The following DNM1 variants were observed in gnomAD, a reference collection of about 807,000 sequenced individuals.
DNM1 encodes the protein dynamin-1.
Under a neutral mutation model 104.6 loss-of-function variants are expected in DNM1, and 29 were observed. The observed-to-expected ratio is 0.28, with a 90% CI of 0.21 to 0.38. DNM1 has a LOEUF of 0.38. Ranked by LOEUF, DNM1 falls within the 10% of genes least tolerant of loss-of-function variation. DNM1 has a pLI of 1.00. For missense variants in DNM1, 640 were observed against 1,189.4 expected (o/e 0.54, Z 6.79); for synonymous variants, 445 against 475.8 (o/e 0.94, Z 0.84).
At chr9:128,208,122 C>T (rs961441141) in intron 1 of DNM1, among the ~76,000 whole-genome samples, 13 of 151,708 alleles carry the variant, frequency 8.6e-5, no homozygotes, top group Non-Finnish European at 1.9e-4. Context: ...TGCAATGGCG[C>T]GATCTCAGCT....
intron 15 of DNM1, chr9:128,244,598 A>G (rs944513137): frequency 4.0e-5 from 10 of 248,074 alleles, no homozygotes; most frequent in Non-Finnish European, 7.0e-5. Context: ...AGTCCCACAC[A>G]GGGTGGCACC....
In DNM1 at chr9:128,253,158, C is replaced by T; in HGVS notation, c.2535-1496C>T. 6.2e-7 allele frequency: 1 copy of T among 1,601,054 alleles called. No homozygotes were observed. Among genetic ancestry groups the T allele is most frequent in the South Asian group, 1.1e-5 (1 of 90,986 alleles). ...CCATGGTAGGTACATGCCTCACCGC[C>T]TGCTGCATGAACGGTGTGTCTGCCC... is the stretch of plus-strand genomic sequence containing the variant. On this transcript the variant is annotated intron_variant, in intron 21 of 21. Coordinates refer to ENST00000372923, the MANE Select transcript of DNM1 (RefSeq NM_004408.4). This position sits in a 1 kb window ranked among gnomAD's most constrained non-coding sequence, Gnocchi z 5.9.
chr9:128,228,186 C>A (rs949728166), intron 10 of DNM1, among the ~76,000 whole-genome samples: 2 of 152,032 alleles, frequency 1.3e-5, no homozygotes, highest in African/African-American at 4.8e-5. Context: ...GGATTACAGG[C>A]TCCTCCCACC....
intron 4 of DNM1, among the ~76,000 whole-genome samples, chr9:128,219,646 GCAAGAGTGAGACCCTGTCT>G (rs1311141288): frequency 6.6e-6 from 1 of 151,480 alleles, no homozygotes; most frequent in Non-Finnish European, 1.5e-5. Context: ...TCCAGCATGG[GCAAGAGTGAGACCCTGTCT>G]CAAAAAAGAA....
At position 128,254,284 on chromosome 9, in the gene DNM1, C is replaced by T. The variant is rs1205732483; in HGVS notation, c.2535-370C>T. On this transcript the variant is annotated intron_variant, in intron 21 of 21. Transcript: ENST00000372923. This position sits in a 1 kb window ranked among gnomAD's most constrained non-coding sequence, Gnocchi z 6.1. ...TGGGGCTCCCCAAGGCAAGGGGTGG[C>T]CCCAGGCCAGTGGGTTGGAAGACAG... The T allele has an allele frequency of 7.2e-7, 1 of 1,391,770 alleles. No homozygotes were observed. The highest frequency in any genetic ancestry group is 9.2e-7 in the Non-Finnish European group (1 of 1,083,298). The allele number at this position is 1,391,770 out of a possible 1,614,324, so 86.2% of individuals were successfully genotyped here.
chr9:128,223,134 C>T (rs1294768997), intron 9 of DNM1: 2 of 463,896 alleles, frequency 4.3e-6, no homozygotes, highest in Admixed American at 3.7e-5. Flanking sequence ...GGCCCATCCC[C>T]AGGGTGAGAT....
intron 1 of DNM1, among the ~76,000 whole-genome samples, chr9:128,208,121 G>A (rs1015426968): frequency 2.0e-5 from 3 of 151,084 alleles, no homozygotes; most frequent in African/African-American, 4.9e-5. Flanking sequence ...ATGCAATGGC[G>A]CGATCTCAGC....
intron 1 of DNM1, among the ~76,000 whole-genome samples, chr9:128,216,580 A>C (rs1047453190): frequency 1.3e-5 from 2 of 152,202 alleles, no homozygotes; most frequent in Non-Finnish European, 2.9e-5. Flanking sequence ...GAATATACAC[A>C]GGGCTTACCA....
rs186501607 is a variant in DNM1, at chr9:128,220,714, A to G, written c.849+373A>G. Among the ~76,000 whole-genome samples the G allele has an allele frequency of 7.6e-3, 1,041 of 137,142 alleles. 14 individuals carry two copies. Among genetic ancestry groups the G allele is most frequent in the African/African-American group, 0.026 (987 of 37,456 alleles). 90.0% of individuals were successfully genotyped at this position (137,142 alleles called of 152,430 possible). ...GACTTTTCTCCATCTGGAATGGGGCATCCAGAACTGAAGTGCGCGCGCGCG... is the reference window on the plus strand; with the variant it reads ...GACTTTTCTCCATCTGGAATGGGGCGTCCAGAACTGAAGTGCGCGCGCGCG... On this transcript the variant is annotated intron_variant, in intron 6 of 21. Coordinates refer to ENST00000372923, the MANE Select transcript of DNM1 (RefSeq NM_004408.4). This position sits in a 1 kb window ranked among gnomAD's most constrained non-coding sequence, Gnocchi z 5.2.
intron 15 of DNM1, among the ~76,000 whole-genome samples, chr9:128,242,898 G>A (rs867428067): frequency 3.7e-4 from 56 of 150,810 alleles, no homozygotes; most frequent in African/African-American, 1.2e-3. Context: ...GGGGCTAAGC[G>A]CCCTGGGGAG....
At chr9:128,235,543 T>G (rs1835959355) in intron 11 of DNM1, among the ~76,000 whole-genome samples, 1 of 152,350 alleles carries the variant, frequency 6.6e-6, no homozygotes, top group South Asian at 2.1e-4. Flanking sequence ...AATATTCCAT[T>G]GTATGGATGG....
Position 128,224,479 on chromosome 9 carries a change from C to T in DNM1, c.1335+90C>T, listed in dbSNP as rs1036160943. On this transcript the variant is annotated intron_variant, in intron 10 of 21. Coordinates refer to ENST00000372923, the MANE Select transcript of DNM1 (RefSeq NM_004408.4). The surrounding 1 kb of genome is among the most constrained non-coding windows in gnomAD (Gnocchi z 4.3). ...CCTTCCCCATGTCCCCCCCTGCCTC[C>T]TCGGTAGCATGTACAGACCTCAGCG... is the stretch of plus-strand genomic sequence containing the variant. 2.5e-5 allele frequency: 34 copies of T among 1,350,570 alleles called. No homozygotes were observed. In the African/African-American group the frequency reaches 3.9e-4, roughly 15 times the overall value. 83.7% of individuals were successfully genotyped at this position (1,350,570 alleles called of 1,614,324 possible). A position where few individuals can be genotyped will look rare whatever the true frequency, so the allele number is the denominator to read the frequency against.
rs577063428 is a variant in DNM1 at position 128,228,317 on chromosome 9, A to G, written c.1335+3928A>G. ...CTCAGCCTCCCAAAGTGCTGGGATT[A>G]CAGGCATGAGCCACCCCTCCTGGCC... On this transcript the variant is annotated intron_variant, in intron 10 of 21. Transcript: ENST00000372923. 2.0e-5 allele frequency among the ~76,000 whole-genome samples: 3 copies of G among 152,250 alleles called. No homozygotes were observed. In the South Asian group the frequency reaches 6.2e-4, roughly 32 times the overall value.
At chr9:128,205,684 C>T (rs535785542) in intron 1 of DNM1, among the ~76,000 whole-genome samples, 2 of 152,192 alleles carry the variant, frequency 1.3e-5, no homozygotes, top group African/African-American at 2.4e-5. Flanking sequence ...TGGGCTCCAC[C>T]GAGTTCATGG....
Position 128,246,605 on chromosome 9 carries a change from G to A in DNM1, c.1781+102G>A, listed in dbSNP as rs1010613535. 58 of 789,404 alleles carry A rather than the reference G, an allele frequency of 7.3e-5. No individual in the cohort carries two copies. In the Admixed American group the frequency reaches 8.2e-4, roughly 11 times the overall value. 48.9% of individuals were successfully genotyped at this position (789,404 alleles called of 1,614,324 possible). A position where few individuals can be genotyped will look rare whatever the true frequency, so the allele number is the denominator to read the frequency against. Reference sequence around the variant, plus strand: ...CAGGGAGGAGAGGAACCTCCCCTAGGCCCCACAGCAAGCCATCCACTGACA... The same window carrying A: ...CAGGGAGGAGAGGAACCTCCCCTAGACCCCACAGCAAGCCATCCACTGACA... On this transcript the variant is annotated intron_variant, in intron 16 of 21. Coordinates refer to ENST00000372923, the MANE Select transcript of DNM1 (RefSeq NM_004408.4).
At chr9:128,241,948 T>C (rs968032372) in intron 14 of DNM1, among the ~76,000 whole-genome samples, 3 of 152,166 alleles carry the variant, frequency 2.0e-5, no homozygotes, top group African/African-American at 7.2e-5. Context: ...TGCATACTTT[T>C]AGTGACAGGG....
intron 1 of DNM1, among the ~76,000 whole-genome samples, chr9:128,217,182 C>T (rs1025922486): frequency 2.0e-5 from 3 of 152,294 alleles, no homozygotes; most frequent in South Asian, 2.1e-4. Flanking sequence ...CCTTCAAAGG[C>T]GGCTCGGTTC....
At chr9:128,232,398 C>A (rs1167844916) in intron 10 of DNM1, among the ~76,000 whole-genome samples, 1 of 152,184 alleles carries the variant, frequency 6.6e-6, no homozygotes, top group African/African-American at 2.4e-5. Context: ...CTCAGGTCTC[C>A]TGAGCTTAGC....
rs1166803248 is a variant in DNM1 at position 128,253,111 on chromosome 9, A to G, written c.2535-1543A>G. Reference sequence around the variant, plus strand: ...CGTGCTGTCTTTCAGAATCACTATCAGTGACCCCTGAGGAGCGTCAGCCAT... The same window carrying G: ...CGTGCTGTCTTTCAGAATCACTATCGGTGACCCCTGAGGAGCGTCAGCCAT... On this transcript the variant is annotated intron_variant, in intron 21 of 21. Coordinates refer to ENST00000372923, the MANE Select transcript of DNM1 (RefSeq NM_004408.4). The surrounding 1 kb of genome is among the most constrained non-coding windows in gnomAD (Gnocchi z 5.9). 1 of 1,609,588 alleles carries G rather than the reference A, an allele frequency of 6.2e-7. No homozygotes were observed. The highest frequency in any genetic ancestry group is 1.3e-5 in the African/African-American group (1 of 74,838).
Sources: allele counts gnomAD v4.1 joint callset (sites outside exome capture counted in the v4.1 genomes callset), GRCh38; gene constraint gnomAD v4.1.1; non-coding constraint Gnocchi (gnomAD v3.1); transcripts MANE v1.5; gene names NCBI Gene and HGNC (gene_info 2026-07-23, HGNC 2026-07-21).